The following PSTPIP1 variants were observed in gnomAD, a reference collection of about 807,000 sequenced individuals.
PSTPIP1 encodes proline-serine-threonine phosphatase-interacting protein 1.
In PSTPIP1, 66 loss-of-function variants were observed where a neutral mutation model predicts 69.6. The observed-to-expected ratio is 0.95, with a 90% CI of 0.78 to 1.16. PSTPIP1 has a LOEUF of 1.16. Ranked by LOEUF, PSTPIP1 falls within the 50% of genes most tolerant of loss-of-function variation. The pLI, the probability that PSTPIP1 is intolerant of heterozygous loss-of-function variation, is 0.00. For missense variants in PSTPIP1, 603 were observed against 557.4 expected, an observed-to-expected ratio of 1.08 and a Z score of -0.82; for synonymous variants, 266 against 222.7, an observed-to-expected ratio of 1.19 and a Z score of -1.73.
At chr15:77,035,740 T>C in intron 13 of PSTPIP1, 62 bp from the exon 14 acceptor site, 1 of 1,526,732 alleles carries the variant, frequency 6.5e-7, no homozygotes, top group East Asian at 2.3e-5. Flanking sequence ...CCCATTCTAG[T>C]AGGACTTCCA....
Position 77,028,668 on chromosome 15 carries a change from G to A in PSTPIP1, c.516+16G>A, listed in dbSNP as rs2076344952. 3 of 1,536,180 alleles carry A rather than the reference G, an allele frequency of 2.0e-6. No individual in the cohort carries two copies. Among genetic ancestry groups the A allele is most frequent in the African/African-American group, 1.4e-5 (1 of 72,748 alleles). Reference sequence around the variant, plus strand: ...GGTGGAGAAGGTGCGCTGGGCTGCTGGGCCGTGTGGGTCGCCCAGGGCTGG... The same window carrying A: ...GGTGGAGAAGGTGCGCTGGGCTGCTAGGCCGTGTGGGTCGCCCAGGGCTGG... On this transcript the variant is annotated intron_variant, in intron 7 of 14. Transcript: ENST00000558012.
At chr15:77,034,688 C>T (rs1032679958) in intron 12 of PSTPIP1, among the ~76,000 whole-genome samples, 1 of 152,206 alleles carries the variant, frequency 6.6e-6, no homozygotes, top group African/African-American at 2.4e-5. Context: ...CCCTTCTCTC[C>T]TAGTAAAGCT....
chr15:77,031,294 C>T lies in PSTPIP1; in HGVS notation c.741+16C>T, dbSNP rs1203693447. 3 of 1,610,668 alleles carry T rather than the reference C, an allele frequency of 1.9e-6. No individual in the cohort carries two copies. Among genetic ancestry groups the T allele is most frequent in the East Asian group, 2.2e-5 (1 of 44,826 alleles). On this transcript the variant is annotated intron_variant, in intron 10 of 14. Coordinates refer to ENST00000558012, the MANE Select transcript of PSTPIP1 (RefSeq NM_003978.5). The stretch of plus-strand genomic sequence containing the variant: ...GGATGATGAGGTGGGGGCTGAGGGC[C>T]TTGGTGTGGGGTAAGGTAGGGCAGC...
intron 1 of PSTPIP1, among the ~76,000 whole-genome samples, chr15:77,002,438 A>G (rs1210401971): frequency 6.6e-6 from 1 of 152,248 alleles, no homozygotes; most frequent in Non-Finnish European, 1.5e-5. Flanking sequence ...CTTTGTCATT[A>G]AAAAGAAAAT....
intron 1 of PSTPIP1, chr15:76,999,472 T>G (rs1435711781): frequency 1.3e-5 from 2 of 152,142 alleles, no homozygotes; most frequent in Non-Finnish European, 2.9e-5. Flanking sequence ...ACAGATGAGA[T>G]TTCACCATGT....
chr15:77,009,029 C>T (rs2075878763), intron 1 of PSTPIP1, among the ~76,000 whole-genome samples: 1 of 152,154 alleles, frequency 6.6e-6, no homozygotes, highest in South Asian at 2.1e-4. Flanking sequence ...TGGGGAGCCC[C>T]TCAACTCTCT....
intron 12 of PSTPIP1, among the ~76,000 whole-genome samples, chr15:77,034,257 G>A (rs1329429790): frequency 6.6e-6 from 1 of 152,080 alleles, no homozygotes; most frequent in Non-Finnish European, 1.5e-5. Context: ...CCCTGCCCTG[G>A]CCGCTTCCTC....
chr15:77,022,772 G>A (rs576855562), intron 3 of PSTPIP1, among the ~76,000 whole-genome samples: 14 of 152,194 alleles, frequency 9.2e-5, no homozygotes, highest in African/African-American at 2.9e-4. Context: ...GAACTAGGGT[G>A]GCCTGATGGT....
At chr15:77,023,555 T>G (rs1305649709) in intron 3 of PSTPIP1, 1 of 152,638 alleles carries the variant, frequency 6.6e-6, no homozygotes, top group African/African-American at 2.4e-5. Flanking sequence ...ACTCCTGGGT[T>G]TCTGGTGTGT....
chr15:77,037,004 C>T (rs1292301590), intron 14 of PSTPIP1, 41 bp from the exon 15 acceptor site: 1 of 1,599,480 alleles, frequency 6.3e-7, no homozygotes, highest in Non-Finnish European at 8.5e-7. Flanking sequence ...CCCTTCCCTG[C>T]AGGCCCTTCC....
At chr15:77,017,882 T>C (rs887963354) in intron 1 of PSTPIP1, among the ~76,000 whole-genome samples, 1 of 152,252 alleles carries the variant, frequency 6.6e-6, no homozygotes, top group African/African-American at 2.4e-5. Flanking sequence ...TGTCCTGTCC[T>C]GTGAGCTCTC....
At chr15:77,008,415 T>C (rs991312974) in intron 1 of PSTPIP1, among the ~76,000 whole-genome samples, 2 of 152,040 alleles carry the variant, frequency 1.3e-5, no homozygotes, top group African/African-American at 4.8e-5. Context: ...TCTTTTTGTT[T>C]TGTTTGTTTT....
chr15:77,030,465 G>T (rs748633983), intron 8 of PSTPIP1, 37 bp from the exon 9 acceptor site: 1 of 1,600,744 alleles, frequency 6.2e-7, no homozygotes, highest in Middle Eastern at 1.7e-4. Context: ...GGAGGAGCTC[G>T]TGTCAGGGCC....
chr15:77,032,473 C>G, intron 11 of PSTPIP1, 79 bp downstream of exon 11: 1 of 1,474,068 alleles, frequency 6.8e-7, no homozygotes. Context: ...CCTCAAGTGC[C>G]AGGACCGGGC....
Position 77,028,559 on chromosome 15 carries a change from G to A in PSTPIP1, c.423G>A (p.Lys141=). Residue 141 remains lysine (K), a synonymous_variant, in exon 7 of 15, where the codon AAG becomes AAA. Coordinates refer to ENST00000558012, the MANE Select transcript of PSTPIP1 (RefSeq NM_003978.5). ...LSLYKKAMES[K]KTYEQKCRDA... ...ACGCCCCTCCACACCCCCAGTCCAA[G>A]AAGACATACGAGCAGAAGTGCCGGG... 3 of 1,600,518 alleles carry A rather than the reference G, an allele frequency of 1.9e-6. No individual in the cohort carries two copies. The highest frequency in any genetic ancestry group is 2.6e-6 in the Non-Finnish European group (3 of 1,174,394).
intron 1 of PSTPIP1, among the ~76,000 whole-genome samples, chr15:77,003,586 G>C (rs1358913453): frequency 2.0e-5 from 3 of 151,984 alleles, no homozygotes; most frequent in Non-Finnish European, 4.4e-5. Flanking sequence ...AACCCAGGAG[G>C]TGGAGGTTGC....
At position 77,025,184 on chromosome 15, in the gene PSTPIP1, A is replaced by C. The variant is rs138849580; in HGVS notation, c.213-100A>C. ...AGTGACCCAGGGTCTTCCCACCAAA[A>C]TAAAAGTCCTCCCCACTGCCCACCC... On this transcript the variant is annotated intron_variant, in intron 3 of 14. Transcript: ENST00000558012. 30 of 1,349,068 alleles carry C rather than the reference A, an allele frequency of 2.2e-5. No homozygotes were observed. The African/African-American group carries it at 4.0e-4, about 18-fold the overall frequency. The allele number at this position is 1,349,068 out of a possible 1,614,324, so 83.6% of individuals were successfully genotyped here. A position where few individuals can be genotyped will look rare whatever the true frequency, so the allele number is the denominator to read the frequency against.
At chr15:77,026,694 T>C (rs1441814250) in intron 5 of PSTPIP1, among the ~76,000 whole-genome samples, 8 of 152,218 alleles carry the variant, frequency 5.3e-5, no homozygotes, top group Non-Finnish European at 8.8e-5. Flanking sequence ...ATCTGCCAGC[T>C]GGGCTTTCAG....
At chr15:77,019,920 G>T (rs2076128303) in intron 3 of PSTPIP1, among the ~76,000 whole-genome samples, 1 of 152,172 alleles carries the variant, frequency 6.6e-6, no homozygotes, top group Non-Finnish European at 1.5e-5. Flanking sequence ...TGGTCTCCTG[G>T]CCTCCCAGCC....
Sources: allele counts gnomAD v4.1 joint callset (sites outside exome capture counted in the v4.1 genomes callset), GRCh38; gene constraint gnomAD v4.1.1; transcripts MANE v1.5; gene names NCBI Gene and HGNC (gene_info 2026-07-23, HGNC 2026-07-21).